ASIC2: variants seen among roughly 807,000 people sequenced by gnomAD.
ASIC2 encodes the protein acid-sensing ion channel 2.
ASIC2 carries 25 observed loss-of-function variants against 57.3 expected under a neutral mutation model. The ratio of observed to expected loss-of-function variants is 0.44; its 90% CI spans 0.32 to 0.61. The LOEUF is 0.61. Among genes scored for constraint, ASIC2 ranks in the 20% least tolerant of loss-of-function variants. The pLI is 0.06. For synonymous variants in ASIC2, 319 were observed against 307.5 expected, an observed-to-expected ratio of 1.04 and a Z score of -0.39; for missense variants, 641 against 738.1, an observed-to-expected ratio of 0.87 and a Z score of 1.52.
At chr17:33,627,672 C>T (rs1906030621) in intron 1 of ASIC2, among the ~76,000 whole-genome samples, 1 of 152,208 alleles carries the variant, frequency 6.6e-6, no homozygotes, top group Admixed American at 6.5e-5. Context: ...CAGACACAAG[C>T]CAATTAGCTG....
chr17:33,676,686 T>G (rs548932139), intron 1 of ASIC2, among the ~76,000 whole-genome samples: 11 of 152,236 alleles, frequency 7.2e-5, no homozygotes, highest in Non-Finnish European at 1.6e-4. Flanking sequence ...AGAAGCCATC[T>G]CCACAACATA....
chr17:33,570,220 T>G, intron 1 of ASIC2, among the ~76,000 whole-genome samples: 1 of 152,232 alleles, frequency 6.6e-6, no homozygotes, highest in East Asian at 1.9e-4. Context: ...ATAAATGTGG[T>G]CTTTCTCCTC....
intron 1 of ASIC2, among the ~76,000 whole-genome samples, chr17:33,281,851 C>T (rs531246402): frequency 6.6e-6 from 1 of 152,302 alleles, no homozygotes; most frequent in Admixed American, 6.5e-5. Flanking sequence ...AACGGCCACC[C>T]AGCCAACATA....
chr17:33,341,396 T>C (rs2142237312), intron 1 of ASIC2, among the ~76,000 whole-genome samples: 1 of 152,328 alleles, frequency 6.6e-6, no homozygotes, highest in Non-Finnish European at 1.5e-5. Flanking sequence ...AATGAATTTG[T>C]TGTAGTTTAA....
chr17:33,530,632 C>G lies in ASIC2; in HGVS notation c.556-418565G>C, dbSNP rs998898199. Reference sequence around the variant, plus strand: ...TTGGGCCTGCACTAAGCCCTTTTTTCAAGGAGACTGTGTTGCTGCCAGGCT... The same window carrying G: ...TTGGGCCTGCACTAAGCCCTTTTTTGAAGGAGACTGTGTTGCTGCCAGGCT... On this transcript the variant is annotated intron_variant, in intron 1 of 9. Transcript: ENST00000359872. Among the ~76,000 whole-genome samples, 50 of 152,294 alleles carry G rather than the reference C, an allele frequency of 3.3e-4. 1 individual carries two copies. The highest frequency in any genetic ancestry group is 3.1e-3 in the Admixed American group (48 of 15,304).
At chr17:33,133,325 G>A (rs376284451) in intron 1 of ASIC2, among the ~76,000 whole-genome samples, 6 of 152,204 alleles carry the variant, frequency 3.9e-5, no homozygotes, top group Non-Finnish European at 1.5e-5. Context: ...AGCAGTGAGC[G>A]TGCTGGCGGA....
intron 1 of ASIC2, among the ~76,000 whole-genome samples, chr17:33,369,523 T>C (rs1178174467): frequency 6.6e-6 from 1 of 152,188 alleles, no homozygotes; most frequent in Non-Finnish European, 1.5e-5. Context: ...GAGGATAACA[T>C]AGCATGATGC....
chr17:33,741,298 T>C (rs1910104940), intron 1 of ASIC2, among the ~76,000 whole-genome samples: 1 of 152,272 alleles, frequency 6.6e-6, no homozygotes, highest in East Asian at 1.9e-4. Flanking sequence ...TCTGAATTGC[T>C]GCATGTCACT....
Position 34,032,814 on chromosome 17 carries a change from T to C in ASIC2, c.555+123164A>G, listed in dbSNP as rs140770138. Among the ~76,000 whole-genome samples the C allele has an allele frequency of 2.2e-4, 34 of 152,330 alleles. No homozygotes were observed. In the East Asian group the frequency reaches 6.2e-3, roughly 28 times the overall value. ...GATCAATGCAACAAGAAGAGCTAAC[T>C]ATCCTAAATATATATGCGCCCAGTA... On this transcript the variant is annotated intron_variant, in intron 1 of 9. Transcript: ENST00000359872.
intron 1 of ASIC2, among the ~76,000 whole-genome samples, chr17:33,361,705 G>A (rs893669125): frequency 6.6e-6 from 1 of 152,172 alleles, no homozygotes; most frequent in East Asian, 1.9e-4. Flanking sequence ...TACTGATGAT[G>A]GGTAGCAGAA....
At chr17:33,965,129 A>G (rs1018318172) in intron 1 of ASIC2, among the ~76,000 whole-genome samples, 6 of 152,214 alleles carry the variant, frequency 3.9e-5, no homozygotes, top group African/African-American at 1.2e-4. Flanking sequence ...GACGGCTCTT[A>G]TTGAATGCCT....
In ASIC2 at chr17:33,013,999, G is replaced by T; in HGVS notation, c.1658C>A (p.Thr553Lys). Residue 553 changes from threonine (T) to lysine (K), a missense_variant, in exon 10 of 10, where the codon ACG (threonine) becomes AAG (lysine). By Grantham distance (78) the Thr-to-Lys change is moderately conservative. Around this residue, in one of 3 missense-constraint regions of ASIC2, gnomAD observed 252 missense variants for 319.8 expected, o/e 0.79. Transcript: ENST00000225823. ...AATCTCCTCCAAGGTCCCCAGGGTC[G>T]TCTGCAGGGGCACGTTCACAGTGTG... ...ISHTVNVPLQ[T>K]TLGTLEEIAC 2 of 1,602,898 alleles carry T rather than the reference G, an allele frequency of 1.2e-6. No homozygotes were observed. The highest frequency in any genetic ancestry group is 1.1e-5 in the South Asian group (1 of 88,604).
intron 1 of ASIC2, among the ~76,000 whole-genome samples, chr17:33,807,667 ATCC>A (rs1338382547): frequency 6.6e-6 from 1 of 151,982 alleles, no homozygotes; most frequent in African/African-American, 2.4e-5. Context: ...GCCCCTCCTC[ATCC>A]TCTTCACACA....
chr17:33,282,481 G>GCT (rs1555592663), intron 1 of ASIC2, among the ~76,000 whole-genome samples: 9 of 146,648 alleles, frequency 6.1e-5, no homozygotes, highest in Non-Finnish European at 9.1e-5. Context: ...GTGTGCTTGT[G>GCT]TGTGTGTGTG....
chr17:33,510,653 T>A (rs1338019085), intron 1 of ASIC2, among the ~76,000 whole-genome samples: 1 of 151,976 alleles, frequency 6.6e-6, no homozygotes, highest in Admixed American at 6.6e-5. Context: ...AAACATTAAA[T>A]TTTTTAAAAA....
At chr17:33,152,727 G>T (rs1369060047) in intron 1 of ASIC2, among the ~76,000 whole-genome samples, 1 of 152,182 alleles carries the variant, frequency 6.6e-6, no homozygotes, top group African/African-American at 2.4e-5. Flanking sequence ...TCAGAGGAAA[G>T]AATAAAACAG....
chr17:33,621,063 G>A (rs1905777308), intron 1 of ASIC2, among the ~76,000 whole-genome samples: 1 of 152,082 alleles, frequency 6.6e-6, no homozygotes, highest in Non-Finnish European at 1.5e-5. Flanking sequence ...TTCTCATTGA[G>A]AGCTGAACTA....
intron 2 of ASIC2, among the ~76,000 whole-genome samples, chr17:33,107,649 T>G (rs2092240325): frequency 6.6e-6 from 1 of 152,178 alleles, no homozygotes; most frequent in African/African-American, 2.4e-5. Context: ...TTTGATAATT[T>G]TCATAGAGTC....
At chr17:33,171,802 T>C (rs930200748) in intron 1 of ASIC2, among the ~76,000 whole-genome samples, 15 of 152,154 alleles carry the variant, frequency 9.9e-5, no homozygotes, top group African/African-American at 3.6e-4. Flanking sequence ...TGGGCTCTAT[T>C]CCCTTGGGCC....
Sources: allele counts gnomAD v4.1 joint callset (sites outside exome capture counted in the v4.1 genomes callset), GRCh38; gene constraint gnomAD v4.1.1; regional missense constraint gnomAD v4.1.1; transcripts MANE v1.5; gene names NCBI Gene and HGNC (gene_info 2026-07-23, HGNC 2026-07-21).